Variants in PPP2R2A observed in about 807,000 individuals in gnomAD.
PPP2R2A encodes the protein protein phosphatase 2 regulatory subunit Balpha.
PPP2R2A carries 9 observed loss-of-function variants against 53.2 expected under a neutral mutation model. The observed-to-expected ratio is 0.17, with a 90% CI of 0.10 to 0.30. PPP2R2A has a LOEUF of 0.30. Ranked by LOEUF, PPP2R2A falls within the 10% of genes least tolerant of loss-of-function variation. The pLI is 1.00. For synonymous variants in PPP2R2A, 169 were observed against 174.2 expected, an observed-to-expected ratio of 0.97 and a Z score of 0.23; for missense variants, 235 against 534.6, an observed-to-expected ratio of 0.44 and a Z score of 5.53.
At chr8:26,310,174 G>A (rs1802211329) in intron 2 of PPP2R2A, among the ~76,000 whole-genome samples, 1 of 143,868 alleles carries the variant, frequency 7.0e-6, no homozygotes, top group African/African-American at 2.6e-5. Context: ...CCAGCTACTC[G>A]GGAGGCTGAG....
intron 2 of PPP2R2A, among the ~76,000 whole-genome samples, chr8:26,316,441 A>G (rs1296791927): frequency 6.6e-6 from 1 of 152,242 alleles, no homozygotes; most frequent in African/African-American, 2.4e-5. Context: ...GTCAGCCAAA[A>G]GCCGTGAGGT....
intron 2 of PPP2R2A, among the ~76,000 whole-genome samples, chr8:26,335,352 T>C (rs1007684478): frequency 6.6e-6 from 1 of 152,212 alleles, no homozygotes; most frequent in African/African-American, 2.4e-5. Flanking sequence ...TATATGATCT[T>C]TCTCTTCTCT....
chr8:26,361,170 T>C lies in PPP2R2A; in HGVS notation c.637+19T>C. ...AGTTTTAGTATCCATTTGGTTTTCT[T>C]TGGTGTTTGGTGAAGAAGGCATGTT... is the stretch of plus-strand genomic sequence containing the variant. On this transcript the variant is annotated intron_variant, in intron 6 of 9. Coordinates refer to ENST00000380737, the MANE Select transcript of PPP2R2A (RefSeq NM_002717.4). The C allele has an allele frequency of 6.4e-7, 1 of 1,555,890 alleles. No individual in the cohort carries two copies. Among genetic ancestry groups the C allele is most frequent in the South Asian group, 1.2e-5 (1 of 81,954 alleles).
chr8:26,303,392 G>A (rs1423596328), intron 2 of PPP2R2A, among the ~76,000 whole-genome samples: 1 of 152,150 alleles, frequency 6.6e-6, no homozygotes, highest in Admixed American at 6.5e-5. Context: ...GCCACTCCTA[G>A]GTTGCCTGCC....
intron 4 of PPP2R2A, among the ~76,000 whole-genome samples, chr8:26,359,951 A>G (rs1460873730): frequency 2.0e-5 from 3 of 152,106 alleles, no homozygotes; most frequent in Admixed American, 2.0e-4. Context: ...TGATTTGACT[A>G]TCACATGGAA....
chr8:26,363,984 G>C (rs1448516557), intron 8 of PPP2R2A, 94 bp downstream of exon 8: 2 of 1,211,650 alleles, frequency 1.7e-6, no homozygotes, highest in Non-Finnish European at 2.2e-6. Flanking sequence ...ATCCCTGTAT[G>C]GTGTTTGTTC....
At chr8:26,319,341 G>A (rs1272216161) in intron 2 of PPP2R2A, among the ~76,000 whole-genome samples, 1 of 152,094 alleles carries the variant, frequency 6.6e-6, no homozygotes, top group Non-Finnish European at 1.5e-5. Flanking sequence ...TGCAGCTAGT[G>A]TATCATATAG....
rs1184848154 is a variant in PPP2R2A at position 26,339,026 on chromosome 8, T to A, written c.180+39T>A. On this transcript the variant is annotated intron_variant, in intron 3 of 9. Coordinates refer to ENST00000380737, the MANE Select transcript of PPP2R2A (RefSeq NM_002717.4). The stretch of plus-strand genomic sequence containing the variant: ...GTTTATTGTCTAAATTTCAGTTTGA[T>A]CTTAGGACTAGAGCTTGTGTTGCAC... 5 of 1,443,512 alleles carry A rather than the reference T, an allele frequency of 3.5e-6. No individual in the cohort carries two copies. In the East Asian group the frequency reaches 1.1e-4, roughly 33 times the overall value. 89.4% of individuals were successfully genotyped at this position (1,443,512 alleles called of 1,614,324 possible).
At position 26,321,868 on chromosome 8, in the gene PPP2R2A, T is replaced by C. The variant is rs1245327491; in HGVS notation, c.83-17022T>C. Among the ~76,000 whole-genome samples the C allele has an allele frequency of 6.6e-6, 1 of 152,236 alleles. No individual in the cohort carries two copies. The highest frequency in any genetic ancestry group is 1.5e-5 in the Non-Finnish European group (1 of 68,032). ...TTTTAAGGCAGCAATAGAGAACTTA[T>C]ATAGGAAGTAACAATGTCAACATTT... On this transcript the variant is annotated intron_variant, in intron 2 of 9. Transcript: ENST00000380737. The surrounding 1 kb of genome is among the most constrained non-coding windows in gnomAD (Gnocchi z 4.1).
At chr8:26,300,341 G>T (rs368861530) in intron 2 of PPP2R2A, among the ~76,000 whole-genome samples, 1 of 152,198 alleles carries the variant, frequency 6.6e-6, no homozygotes, top group African/African-American at 2.4e-5. Flanking sequence ...AGTATGTTAC[G>T]TATTTGCATA....
At chr8:26,361,268 A>G (rs1016741488) in intron 6 of PPP2R2A, 117 bp downstream of exon 6, 6 of 926,218 alleles carry the variant, frequency 6.5e-6, no homozygotes, top group Non-Finnish European at 7.6e-6. Flanking sequence ...ACATATATGT[A>G]TGGCACCTTA....
At chr8:26,304,373 TAATCA>T (rs1801921162) in intron 2 of PPP2R2A, among the ~76,000 whole-genome samples, 1 of 152,170 alleles carries the variant, frequency 6.6e-6, no homozygotes, top group South Asian at 2.1e-4. Context: ...TTTTATACTT[TAATCA>T]GAAGGAAATT....
intron 2 of PPP2R2A, among the ~76,000 whole-genome samples, chr8:26,306,002 CTACCA>C (rs1801998492): frequency 6.6e-6 from 1 of 152,082 alleles, no homozygotes; most frequent in East Asian, 1.9e-4. Flanking sequence ...AGCCTACAAG[CTACCA>C]TACAGAATTA....
intron 2 of PPP2R2A, among the ~76,000 whole-genome samples, chr8:26,322,580 C>G (rs770365844): frequency 1.3e-5 from 2 of 151,668 alleles, no homozygotes; most frequent in African/African-American, 4.8e-5. Flanking sequence ...GTATATCACT[C>G]GACTACTTGG....
intron 2 of PPP2R2A, among the ~76,000 whole-genome samples, chr8:26,317,052 A>G (rs112720630): frequency 0.019 from 2,930 of 152,318 alleles, 89 homozygotes; most frequent in African/African-American, 0.067. Context: ...TTTGTTTTCC[A>G]TCAGGAATAC....
At chr8:26,319,308 A>C (rs2117260851) in intron 2 of PPP2R2A, among the ~76,000 whole-genome samples, 1 of 152,300 alleles carries the variant, frequency 6.6e-6, no homozygotes, top group South Asian at 2.1e-4. Context: ...GCTTTGAATT[A>C]TTTTTGGTAT....
At chr8:26,332,853 T>C (rs1327154017) in intron 2 of PPP2R2A, among the ~76,000 whole-genome samples, 2 of 152,216 alleles carry the variant, frequency 1.3e-5, no homozygotes, top group African/African-American at 4.8e-5. Flanking sequence ...TTACACATTA[T>C]CCCTTTTTTC....
chr8:26,369,345 G>A (rs1805547325), intron 9 of PPP2R2A, among the ~76,000 whole-genome samples: 2 of 150,970 alleles, frequency 1.3e-5, no homozygotes, highest in Admixed American at 1.3e-4. Flanking sequence ...TCCTGCCTCA[G>A]CCTCCTGAGT....
At chr8:26,305,195 T>C (rs1452693257) in intron 2 of PPP2R2A, among the ~76,000 whole-genome samples, 1 of 152,226 alleles carries the variant, frequency 6.6e-6, no homozygotes, top group Non-Finnish European at 1.5e-5. Flanking sequence ...GCTTATTTCA[T>C]AATGTCTTCA....
Sources: gnomAD v4.1 joint callset for allele counts (sites outside exome capture counted in the v4.1 genomes callset) on GRCh38, gnomAD v4.1.1 for gene constraint, Gnocchi (gnomAD v3.1) non-coding constraint, MANE v1.5 for transcripts, NCBI Gene and HGNC (gene_info 2026-07-23, HGNC 2026-07-21) for gene names.